The following SREBF2 variants were observed in gnomAD, a reference collection of about 807,000 sequenced individuals.
SREBF2 encodes sterol regulatory element binding transcription factor 2, also known as sterol regulatory element-binding protein 2.
SREBF2 carries 55 observed loss-of-function variants against 113.1 expected under a neutral mutation model. The observed-to-expected ratio is 0.49, with a 90% CI of 0.39 to 0.61. The LOEUF is 0.61. Ranked by LOEUF, SREBF2 falls within the 20% of genes least tolerant of loss-of-function variation. The pLI, the probability that SREBF2 is intolerant of heterozygous loss-of-function variation, is 0.00. For synonymous variants in SREBF2, 593 were observed against 605.7 expected (o/e 0.98, Z 0.31); for missense variants, 1,349 against 1,487.4 (o/e 0.91, Z 1.53).
intron 1 of SREBF2, among the ~76,000 whole-genome samples, chr22:41,855,019 TA>T (rs746090034): frequency 0.022 from 2,993 of 138,484 alleles, 74 homozygotes; most frequent in African/African-American, 0.059. Flanking sequence ...TGTGCAGCAT[TA>T]AAAAAAAAAA....
rs145576065 is a variant in SREBF2 at position 41,841,748 on chromosome 22, G to A, written c.88+8390G>A. On this transcript the variant is annotated intron_variant, in intron 1 of 18. Coordinates refer to ENST00000361204, the MANE Select transcript of SREBF2 (RefSeq NM_004599.4). ...GAACTTTGCAAATATCAAATTGTCC[G>A]TATCCTTCTGGATTCTCGTCTGAAC... 7.2e-5 allele frequency among the ~76,000 whole-genome samples: 11 copies of A among 152,194 alleles called. No individual in the cohort carries two copies. The East Asian group carries it at 1.2e-3, about 16-fold the overall frequency.
chr22:41,904,047 G>C (rs1311587342), intron 17 of SREBF2, among the ~76,000 whole-genome samples: 1 of 152,220 alleles, frequency 6.6e-6, no homozygotes, highest in Non-Finnish European at 1.5e-5. Context: ...GGCATCAGTG[G>C]CCTTTTTTTC....
At chr22:41,844,971 C>T (rs1245303038) in intron 1 of SREBF2, among the ~76,000 whole-genome samples, 3 of 128,426 alleles carry the variant, frequency 2.3e-5, no homozygotes, top group Non-Finnish European at 3.2e-5. Flanking sequence ...CTCTGTCGCC[C>T]AGGCTAGGGT....
chr22:41,838,664 C>T (rs1348737048), intron 1 of SREBF2, among the ~76,000 whole-genome samples: 2 of 152,180 alleles, frequency 1.3e-5, no homozygotes, highest in South Asian at 2.1e-4. Flanking sequence ...ACCTGGGAGG[C>T]GGAGGTTGCA....
Position 41,833,324 on chromosome 22 carries a change from G to T in SREBF2, c.54G>T (p.Glu18Asp). The T allele has an allele frequency of 6.5e-7, 1 of 1,532,322 alleles. No homozygotes were observed. The highest frequency in any genetic ancestry group is 8.8e-7 in the Non-Finnish European group (1 of 1,139,496). 94.9% of individuals were successfully genotyped at this position (1,532,322 alleles called of 1,614,324 possible). A position where few individuals can be genotyped will look rare whatever the true frequency, so the allele number is the denominator to read the frequency against. ...GGLETMETLTELGDELTLGDI... is the reference protein window; with the variant it reads ...GGLETMETLTDLGDELTLGDI... ...TGGAGACCATGGAGACCCTCACGGA[G>T]CTGGGCGACGAGCTGACCCTGGGAG... Residue 18 changes from glutamate (E) to aspartate (D), a missense_variant, in exon 1 of 19, where the codon GAG (glutamate) becomes GAT (aspartate). This residue lies in a region of SREBF2 where 699 missense variants were observed against 843.3 expected (regional missense o/e 0.83). Coordinates refer to ENST00000361204, the MANE Select transcript of SREBF2 (RefSeq NM_004599.4). This position sits in a 1 kb window ranked among gnomAD's most constrained non-coding sequence, Gnocchi z 4.1.
At chr22:41,868,412 G>A (rs145483638) in intron 2 of SREBF2, among the ~76,000 whole-genome samples, 199 bp from the exon 3 acceptor site, 3 of 152,218 alleles carry the variant, frequency 2.0e-5, no homozygotes, top group Non-Finnish European at 2.9e-5. Flanking sequence ...ATTTGTACTC[G>A]TTCCCTCAGA....
At chr22:41,840,355 C>T (rs2076817541) in intron 1 of SREBF2, among the ~76,000 whole-genome samples, 1 of 152,182 alleles carries the variant, frequency 6.6e-6, no homozygotes, top group South Asian at 2.1e-4. Flanking sequence ...CCTGTCCCAT[C>T]TGATGGCTAT....
chr22:41,894,912 G>A lies in SREBF2; in HGVS notation c.2470G>A (p.Ala824Thr), dbSNP rs1425200580. The A allele has an allele frequency of 2.5e-6, 4 of 1,613,898 alleles. No individual in the cohort carries two copies. The highest frequency in any genetic ancestry group is 3.4e-6 in the Non-Finnish European group (4 of 1,180,024). Residue 824 changes from alanine to threonine, a missense_variant, in exon 13 of 19, where the codon GCT becomes ACT. By Grantham distance (58) the Ala-to-Thr change is moderately conservative (BLOSUM62 0). This residue lies in a region of SREBF2 where 650 missense variants were observed against 644.1 expected (regional missense o/e 1.01). Transcript: ENST00000361204. ...GGTGAAACCTCAGGCCAAGAAGAAG[G>A]CTGGAGACCAGGAAGAAGAGAGCTG... Reference protein sequence around the residue: ...SLVKPQAKKKAGDQEEESCEF... With the variant: ...SLVKPQAKKKTGDQEEESCEF...
chr22:41,838,652 G>C (rs1296939674), intron 1 of SREBF2, among the ~76,000 whole-genome samples: 1 of 152,188 alleles, frequency 6.6e-6, no homozygotes, highest in African/African-American at 2.4e-5. Context: ...AGAATCGCTT[G>C]AACCTGGGAG....
chr22:41,874,987 T>C (rs1435849538), intron 5 of SREBF2, among the ~76,000 whole-genome samples: 1 of 152,214 alleles, frequency 6.6e-6, no homozygotes, highest in Admixed American at 6.5e-5. Flanking sequence ...AAGTTTGTTA[T>C]GGTGCTAGGA....
intron 1 of SREBF2, among the ~76,000 whole-genome samples, chr22:41,849,349 G>A (rs576076276): frequency 6.6e-6 from 1 of 152,038 alleles, no homozygotes; most frequent in South Asian, 2.1e-4. Flanking sequence ...TTGCCGCCAC[G>A]CCCGGCTAAC....
At chr22:41,864,634 GTTTT>G (rs923476330) in intron 1 of SREBF2, among the ~76,000 whole-genome samples, 2 of 151,156 alleles carry the variant, frequency 1.3e-5, no homozygotes, top group Non-Finnish European at 2.9e-5. Flanking sequence ...AAATCTTTGT[GTTTT>G]TTTGTTTGTT....
At chr22:41,898,939 G>C (rs766151715) in intron 15 of SREBF2, 158 bp downstream of exon 15, 147 of 1,079,740 alleles carry the variant, frequency 1.4e-4, no homozygotes, top group Non-Finnish European at 1.8e-4. Flanking sequence ...GCACCATGGA[G>C]AACTCAAGTT....
At chr22:41,861,474 C>G (rs2077026849) in intron 1 of SREBF2, among the ~76,000 whole-genome samples, 1 of 150,504 alleles carries the variant, frequency 6.6e-6, no homozygotes, top group African/African-American at 2.5e-5. Context: ...CTAGCCTGGG[C>G]AACTGAGTAA....
chr22:41,873,168 G>C (rs1390768275), intron 4 of SREBF2, among the ~76,000 whole-genome samples: 1 of 152,012 alleles, frequency 6.6e-6, no homozygotes, highest in Non-Finnish European at 1.5e-5. Flanking sequence ...TTGCATTCCA[G>C]CCTGGGCAAC....
rs1280011261 is a variant in SREBF2 at position 41,833,265 on chromosome 22, C to T, written c.-6C>T. ...GGCAGGGGGGGCTTCTGCGCTGAGC[C>T]GGGCGATGGACGACAGCGGCGAGCT... On this transcript the variant is annotated 5_prime_UTR_variant, in exon 1 of 19. Coordinates refer to ENST00000361204, the MANE Select transcript of SREBF2 (RefSeq NM_004599.4). The surrounding 1 kb of genome is among the most constrained non-coding windows in gnomAD (Gnocchi z 4.1). 1 of 1,459,390 alleles carries T rather than the reference C, an allele frequency of 6.9e-7. No individual in the cohort carries two copies. Among genetic ancestry groups the T allele is most frequent in the Non-Finnish European group, 9.1e-7 (1 of 1,095,200 alleles). The allele number at this position is 1,459,390 out of a possible 1,614,324, so 90.4% of individuals were successfully genotyped here.
At chr22:41,869,345 C>G (rs1458492193) in intron 3 of SREBF2, among the ~76,000 whole-genome samples, 7 of 150,540 alleles carry the variant, frequency 4.6e-5, no homozygotes, top group African/African-American at 1.7e-4. Flanking sequence ...CCACCCGCCT[C>G]GGCCTCCCAA....
At chr22:41,888,195 C>G (rs183075434) in intron 11 of SREBF2, among the ~76,000 whole-genome samples, 104 of 152,310 alleles carry the variant, frequency 6.8e-4, no homozygotes, top group African/African-American at 2.5e-3. Context: ...AAGTCCTGTT[C>G]AATAAATCTT....
rs151165070 is a variant in SREBF2, at chr22:41,863,916, C to T, written c.89-2915C>T. Among the ~76,000 whole-genome samples, 78 of 151,886 alleles carry T rather than the reference C, an allele frequency of 5.1e-4. 1 individual carries two copies. In the Middle Eastern group the frequency reaches 0.02, roughly 40 times the overall value. ...TTATTTTTTGGGACGGAGTCTTGCT[C>T]TGTTCCCTAGGCTGGAGTACAGTGA... is the stretch of plus-strand genomic sequence containing the variant. On this transcript the variant is annotated intron_variant, in intron 1 of 18. Coordinates refer to ENST00000361204, the MANE Select transcript of SREBF2 (RefSeq NM_004599.4).
Sources: gnomAD v4.1 joint callset for allele counts (sites outside exome capture counted in the v4.1 genomes callset) on GRCh38, gnomAD v4.1.1 for gene constraint, gnomAD v4.1.1 regional missense constraint, Gnocchi (gnomAD v3.1) non-coding constraint, MANE v1.5 for transcripts, NCBI Gene and HGNC (gene_info 2026-07-23, HGNC 2026-07-21) for gene names.